ZNF678: variants seen among roughly 807,000 people sequenced by gnomAD.
ZNF678 encodes the protein zinc finger protein 678, also known as hypothetical protein MGC42493.
ZNF678 carries 5 observed loss-of-function variants against 3.0 expected under a neutral mutation model. That is an observed-to-expected ratio of 1.69 (90% CI 0.88 to 3.56). The LOEUF is 3.56. Among genes scored for constraint, ZNF678 ranks in the 30% most tolerant of loss-of-function variants. The pLI is 0.00. For missense variants in ZNF678, 593 were observed against 605.0 expected, an observed-to-expected ratio of 0.98 and a Z score of 0.21; for synonymous variants, 218 against 199.6, an observed-to-expected ratio of 1.09 and a Z score of -0.78.
intron 1 of ZNF678, among the ~76,000 whole-genome samples, chr1:227,628,821 TG>T (rs1228618503): frequency 6.6e-6 from 1 of 152,216 alleles, no homozygotes; most frequent in Non-Finnish European, 1.5e-5. Flanking sequence ...GGCTAATACC[TG>T]GCCAAATAGA....
intron 5 of ZNF678, among the ~76,000 whole-genome samples, chr1:227,672,465 A>C (rs73099300): frequency 0.011 from 1,633 of 152,186 alleles, 34 homozygotes; most frequent in African/African-American, 0.038. Flanking sequence ...AGAGGGGCAG[A>C]GGGAATAAAT....
chr1:227,640,092 G>A (rs1558151758), intron 1 of ZNF678, among the ~76,000 whole-genome samples: 1 of 152,216 alleles, frequency 6.6e-6, no homozygotes, highest in Admixed American at 6.5e-5. Context: ...AGAGAAGGAA[G>A]AACCTGGAAG....
intron 1 of ZNF678, among the ~76,000 whole-genome samples, chr1:227,624,973 A>G (rs1368879586): frequency 6.6e-6 from 1 of 152,132 alleles, no homozygotes; most frequent in Non-Finnish European, 1.5e-5. Context: ...TAATAGAGTG[A>G]AAACAGGGTT....
chr1:227,597,148 A>C (rs1397031369), intron 1 of ZNF678, among the ~76,000 whole-genome samples: 1 of 152,254 alleles, frequency 6.6e-6, no homozygotes, highest in Non-Finnish European at 1.5e-5. Flanking sequence ...GATTAACTAA[A>C]ATTATTCCTT....
At position 227,658,342 on chromosome 1, in the gene ZNF678, A is replaced by G. The variant is rs1218406513; in HGVS notation, c.*2514A>G. On this transcript the variant is annotated 3_prime_UTR_variant, in exon 4 of 4. Transcript: ENST00000343776. ...TTCCTGGGGGTATAATAGATGCTCTATAATTAGCAGTAAATATTCTTGTTT... is the reference window on the plus strand; with the variant it reads ...TTCCTGGGGGTATAATAGATGCTCTGTAATTAGCAGTAAATATTCTTGTTT... 6.6e-6 allele frequency: 1 copy of G among 152,084 alleles called. No individual in the cohort carries two copies. The highest frequency in any genetic ancestry group is 1.5e-5 in the Non-Finnish European group (1 of 67,962). The allele number at this position is 152,084 out of a possible 1,614,324, so 9.4% of individuals were successfully genotyped here. A position where few individuals can be genotyped will look rare whatever the true frequency, so the allele number is the denominator to read the frequency against.
At chr1:227,591,178 C>T (rs1042544770) in intron 1 of ZNF678, among the ~76,000 whole-genome samples, 7 of 151,706 alleles carry the variant, frequency 4.6e-5, no homozygotes, top group African/African-American at 1.5e-4. Context: ...CTCAGGAGAG[C>T]GTTTATAAAC....
At chr1:227,644,274 G>A (rs1026533945) in intron 1 of ZNF678, among the ~76,000 whole-genome samples, 2 of 152,100 alleles carry the variant, frequency 1.3e-5, no homozygotes, top group African/African-American at 2.4e-5. Context: ...CCTACCTCTC[G>A]GGGTTTTATG....
Position 227,563,623 on chromosome 1 carries a change from G to C in ZNF678, c.-265G>C. The C allele has an allele frequency of 3.3e-6, 4 of 1,218,366 alleles. No homozygotes were observed. Among genetic ancestry groups the C allele is most frequent in the Non-Finnish European group, 4.4e-6 (4 of 908,682 alleles). 75.5% of individuals were successfully genotyped at this position (1,218,366 alleles called of 1,614,324 possible). A position where few individuals can be genotyped will look rare whatever the true frequency, so the allele number is the denominator to read the frequency against. On this transcript the variant is annotated 5_prime_UTR_variant, in exon 1 of 4. Transcript: ENST00000343776. The stretch of plus-strand genomic sequence containing the variant: ...GGCTATTTATCCCCAGCTGCGGGAG[G>C]CCCTGGTGACTCTGCTGCTGCAGTG...
chr1:227,578,130 T>C (rs1004197389), intron 1 of ZNF678, among the ~76,000 whole-genome samples: 1 of 152,236 alleles, frequency 6.6e-6, no homozygotes, highest in Non-Finnish European at 1.5e-5. Context: ...GGCTTCCCTT[T>C]GTAGGTTACC....
At chr1:227,594,128 A>G (rs1202017616) in intron 1 of ZNF678, among the ~76,000 whole-genome samples, 1 of 152,182 alleles carries the variant, frequency 6.6e-6, no homozygotes, top group Admixed American at 6.5e-5. Context: ...GGACCTTGGC[A>G]GTGGACTTCA....
chr1:227,672,421 C>G (rs1439477039), intron 5 of ZNF678, among the ~76,000 whole-genome samples: 1 of 151,918 alleles, frequency 6.6e-6, no homozygotes. Flanking sequence ...TTGGGAGGCT[C>G]AGGGTACTAT....
chr1:227,565,054 C>CTTT (rs56226010), intron 1 of ZNF678, among the ~76,000 whole-genome samples: 6 of 32,738 alleles, frequency 1.8e-4, no homozygotes, highest in Admixed American at 5.2e-4. Context: ...CCCTACCCGG[C>CTTT]TTTTTTTTTT....
intron 1 of ZNF678, chr1:227,598,814 A>G: frequency 3.5e-6 from 2 of 566,912 alleles, no homozygotes; most frequent in Non-Finnish European, 6.6e-6. Flanking sequence ...AATCAGAAGA[A>G]CTGCTGGAAG....
At position 227,583,535 on chromosome 1, in the gene ZNF678, A is replaced by G. The variant is rs537372841; in HGVS notation, c.-164+19811A>G. On this transcript the variant is annotated intron_variant, in intron 1 of 3. Transcript: ENST00000343776. Reference sequence around the variant, plus strand: ...ATTTAACTTTGTCAGGAGTTCCTTGACCACTGTCAGAATTGATGACTCATT... The same window carrying G: ...ATTTAACTTTGTCAGGAGTTCCTTGGCCACTGTCAGAATTGATGACTCATT... Among the ~76,000 whole-genome samples the G allele has an allele frequency of 2.0e-5, 3 of 151,812 alleles. No homozygotes were observed. In the South Asian group the frequency reaches 6.2e-4, roughly 32 times the overall value.
intron 1 of ZNF678, among the ~76,000 whole-genome samples, chr1:227,603,644 G>A (rs1271180342): frequency 6.6e-6 from 1 of 152,206 alleles, no homozygotes; most frequent in African/African-American, 2.4e-5. Flanking sequence ...GCCCCCTTCT[G>A]CTGCTTCATG....
intron 1 of ZNF678, among the ~76,000 whole-genome samples, chr1:227,636,559 A>G (rs1658684573): frequency 6.6e-6 from 1 of 152,226 alleles, no homozygotes; most frequent in African/African-American, 2.4e-5. Flanking sequence ...TCCTCAGCCC[A>G]AGTGGCAGGA....
chr1:227,603,913 C>T (rs937914915), intron 1 of ZNF678, among the ~76,000 whole-genome samples: 3 of 152,198 alleles, frequency 2.0e-5, no homozygotes, highest in Non-Finnish European at 2.9e-5. Context: ...ACTTTCTGGA[C>T]ATGTCTTGTA....
chr1:227,633,097 T>A (rs1326710012), intron 1 of ZNF678, among the ~76,000 whole-genome samples: 2 of 152,018 alleles, frequency 1.3e-5, no homozygotes, highest in Non-Finnish European at 2.9e-5. Context: ...CCTCACTGGA[T>A]CAGAATTGTG....
intron 1 of ZNF678, among the ~76,000 whole-genome samples, chr1:227,614,859 C>T (rs1658105794): frequency 6.6e-6 from 1 of 152,222 alleles, no homozygotes; most frequent in Non-Finnish European, 1.5e-5. Flanking sequence ...ACTGTCCCAC[C>T]AACCCTGACC....
Sources: allele counts gnomAD v4.1 joint callset (sites outside exome capture counted in the v4.1 genomes callset), GRCh38; gene constraint gnomAD v4.1.1; transcripts MANE v1.5; gene names NCBI Gene and HGNC (gene_info 2026-07-23, HGNC 2026-07-21).